The following LRRIQ3 variants were observed in gnomAD, a reference collection of about 807,000 sequenced individuals.
The protein encoded by LRRIQ3 is leucine rich repeats and IQ motif containing 3.
Under a neutral mutation model 59.3 loss-of-function variants are expected in LRRIQ3, and 75 were observed. The observed-to-expected ratio is 1.26, with a 90% CI of 1.05 to 1.53. The LOEUF is 1.53. Ranked by LOEUF, LRRIQ3 falls within the 40% of genes most tolerant of loss-of-function variation. LRRIQ3 has a pLI of 0.00. For missense variants in LRRIQ3, 831 were observed against 710.0 expected (o/e 1.17, Z -1.94); for synonymous variants, 250 against 231.3 (o/e 1.08, Z -0.73).
intron 5 of LRRIQ3, among the ~76,000 whole-genome samples, chr1:74,088,236 G>A (rs1053410717): frequency 1.1e-4 from 16 of 152,072 alleles, no homozygotes; most frequent in African/African-American, 3.6e-4. Context: ...CATTTCGTAA[G>A]TTTTTTCAGA....
chr1:74,083,223 T>A (rs528383426), intron 5 of LRRIQ3: 2 of 151,652 alleles, frequency 1.3e-5, no homozygotes, highest in African/African-American at 4.8e-5. Flanking sequence ...TCAGTACAAA[T>A]CTTAGTCTGT....
rs748774251 is a variant in LRRIQ3 at position 74,186,941 on chromosome 1, T to C, written c.1-3257A>G. 7.6e-4 allele frequency among the ~76,000 whole-genome samples: 116 copies of C among 151,670 alleles called. 1 individual carries two copies. The highest frequency in any genetic ancestry group is 1.6e-4 in the Non-Finnish European group (11 of 67,912). ...ACTTTTTAGCTTTAATCAATGACTA[T>C]TATAAGCAAGAAAAAAAATCACTAA... is the stretch of plus-strand genomic sequence containing the variant. On this transcript the variant is annotated intron_variant, in intron 1 of 7. Coordinates refer to ENST00000354431, the MANE Select transcript of LRRIQ3 (RefSeq NM_001105659.2).
intron 4 of LRRIQ3, among the ~76,000 whole-genome samples, chr1:74,136,922 C>T (rs561799952): frequency 6.6e-6 from 1 of 151,862 alleles, no homozygotes; most frequent in Non-Finnish European, 1.5e-5. Flanking sequence ...CATAACGGTT[C>T]TTTATTTATA....
chr1:74,037,136 G>T (rs1653896398), intron 7 of LRRIQ3, among the ~76,000 whole-genome samples: 1 of 152,096 alleles, frequency 6.6e-6, no homozygotes. Flanking sequence ...CTCAAGAAAT[G>T]TGTGTTGAAT....
At chr1:74,053,978 C>A (rs1654448413) in intron 6 of LRRIQ3, among the ~76,000 whole-genome samples, 1 of 152,076 alleles carries the variant, frequency 6.6e-6, no homozygotes, top group Admixed American at 6.6e-5. Flanking sequence ...TAAAGATATT[C>A]TCACTGTAAA....
rs1648696665 is a variant in LRRIQ3, at chr1:74,162,154, T to G, written c.574-6288A>C. ...TGCAAACAATGTTATCTTTCAACAG[T>G]TTTATAGCAATACTTAAAATGATAT... On this transcript the variant is annotated intron_variant, in intron 3 of 7. Transcript: ENST00000354431. 2.0e-5 allele frequency among the ~76,000 whole-genome samples: 3 copies of G among 151,848 alleles called. No homozygotes were observed. The South Asian group carries it at 6.2e-4, about 31-fold the overall frequency.
At chr1:74,094,551 A>G (rs1427579001) in intron 5 of LRRIQ3, among the ~76,000 whole-genome samples, 1 of 152,098 alleles carries the variant, frequency 6.6e-6, no homozygotes, top group Non-Finnish European at 1.5e-5. Flanking sequence ...AAACACTTTG[A>G]TTTAGTCAAG....
chr1:74,187,017 T>A (rs1027629788), intron 1 of LRRIQ3, among the ~76,000 whole-genome samples: 3 of 151,770 alleles, frequency 2.0e-5, no homozygotes, highest in African/African-American at 7.3e-5. Context: ...ATGGCCATAA[T>A]TAAAAAGTCA....
rs905202860 is a variant in LRRIQ3 at position 74,108,870 on chromosome 1, G to A, written c.867+524C>T. The stretch of plus-strand genomic sequence containing the variant: ...TCTTAGTTTTCATATTGGTCAAAAT[G>A]AGATAAAAAATATCTATCTATGGTG... On this transcript the variant is annotated intron_variant, in intron 5 of 7. Coordinates refer to ENST00000354431, the MANE Select transcript of LRRIQ3 (RefSeq NM_001105659.2). The A allele has an allele frequency of 1.8e-5, 7 of 379,936 alleles. 1 individual carries two copies. The highest frequency in any genetic ancestry group is 3.1e-5 in the Admixed American group (1 of 32,346). The allele number at this position is 379,936 out of a possible 1,614,324, so 23.5% of individuals were successfully genotyped here.
At position 74,080,327 on chromosome 1, in the gene LRRIQ3, A is replaced by T. The variant is rs147008429; in HGVS notation, c.868-5537T>A. Among the ~76,000 whole-genome samples the T allele has an allele frequency of 2.8e-3, 429 of 151,856 alleles. 2 individuals carry two copies. The highest frequency in any genetic ancestry group is 4.0e-3 in the Non-Finnish European group (273 of 67,702). ...AAGAATTTCTCAGAGCATTATTGAA[A>T]ATTGGAATAGATTATCTGAGGAGCT... On this transcript the variant is annotated intron_variant, in intron 5 of 7. Coordinates refer to ENST00000354431, the MANE Select transcript of LRRIQ3 (RefSeq NM_001105659.2).
chr1:74,121,973 C>T (rs559687384), intron 4 of LRRIQ3, among the ~76,000 whole-genome samples: 7 of 152,076 alleles, frequency 4.6e-5, no homozygotes, highest in African/African-American at 1.7e-4. Context: ...TTTCTTAATC[C>T]AGTCTATCAT....
chr1:74,151,907 C>T (rs1266205028), intron 4 of LRRIQ3, among the ~76,000 whole-genome samples: 1 of 151,956 alleles, frequency 6.6e-6, no homozygotes, highest in African/African-American at 2.4e-5. Flanking sequence ...GTTTTAAATA[C>T]TAAAATAAGA....
At chr1:74,042,472 G>T (rs574460020) in intron 6 of LRRIQ3, among the ~76,000 whole-genome samples, 2 of 152,182 alleles carry the variant, frequency 1.3e-5, no homozygotes, top group East Asian at 3.9e-4. Context: ...CCTGTGATTG[G>T]CTGAAGCTTG....
At chr1:74,059,608 AG>A (rs1308523862) in intron 6 of LRRIQ3, among the ~76,000 whole-genome samples, 1 of 152,094 alleles carries the variant, frequency 6.6e-6, no homozygotes, top group Non-Finnish European at 1.5e-5. Context: ...GTAGCTTTGC[AG>A]TAAGTTTCAA....
intron 4 of LRRIQ3, among the ~76,000 whole-genome samples, chr1:74,123,791 C>A (rs576747668): frequency 6.6e-6 from 1 of 151,974 alleles, no homozygotes; most frequent in Non-Finnish European, 1.5e-5. Context: ...ATATCTTCAA[C>A]AGACTGATTG....
In LRRIQ3 at chr1:74,155,735, C is replaced by G; in HGVS notation, c.705G>C (p.Leu235Phe). The G allele has an allele frequency of 1.9e-6, 3 of 1,568,260 alleles. No individual in the cohort carries two copies. Among genetic ancestry groups the G allele is most frequent in the Non-Finnish European group, 2.6e-6 (3 of 1,165,492 alleles). ...WIRGFLVRKN[L>F]SPVFFHKKKQ... Reference sequence around the variant, plus strand: ...ATGGTAAAGAAAACAAAACATACCTCAAATTTTTTCTAACTAAGAAACCAC... The same window carrying G: ...ATGGTAAAGAAAACAAAACATACCTGAAATTTTTTCTAACTAAGAAACCAC... The change falls in exon 4 of 8, where the codon TTG becomes TTC. Residue 235 changes from leucine (L) to phenylalanine (F), a missense_variant and splice_region_variant. Leu to Phe is a conservative substitution (Grantham distance 22, BLOSUM62 0). Transcript: ENST00000354431.
rs1648289895 is a variant in LRRIQ3, at chr1:74,155,829, T to C, written c.611A>G (p.His204Arg). 3 of 1,560,592 alleles carry C rather than the reference T, an allele frequency of 1.9e-6. No homozygotes were observed. The highest frequency in any genetic ancestry group is 2.6e-6 in the Non-Finnish European group (3 of 1,152,192). ...AATTGCATTAATTTTTGAAGTAATA[T>C]GTTTAATATTATTAATTTCCTCTTC... is the stretch of plus-strand genomic sequence containing the variant. ...TYEEEINNIK[H>R]ITSKINAILA... is the part of the protein sequence containing the mutation. The change falls in exon 4 of 8, where the codon CAT becomes CGT. Residue 204 changes from histidine (H) to arginine (R), a missense_variant. Physicochemically the swap from His to Arg is conservative, Grantham distance 29. Coordinates refer to ENST00000354431, the MANE Select transcript of LRRIQ3 (RefSeq NM_001105659.2).
chr1:74,198,076 C>A lies in LRRIQ3; in HGVS notation c.-81G>T. ...CACAGTCAGACAAATCGCTGGGCGG[C>A]CATCTGCTCCTGAGACCGTTGCTAG... is the stretch of plus-strand genomic sequence containing the variant. On this transcript the variant is annotated 5_prime_UTR_variant, in exon 1 of 8. Coordinates refer to ENST00000354431, the MANE Select transcript of LRRIQ3 (RefSeq NM_001105659.2). The A allele has an allele frequency of 9.0e-7, 1 of 1,107,400 alleles. No individual in the cohort carries two copies. Among genetic ancestry groups the A allele is most frequent in the Non-Finnish European group, 1.2e-6 (1 of 807,898 alleles). 68.6% of individuals were successfully genotyped at this position (1,107,400 alleles called of 1,614,324 possible). A position where few individuals can be genotyped will look rare whatever the true frequency, so the allele number is the denominator to read the frequency against.
intron 4 of LRRIQ3, among the ~76,000 whole-genome samples, chr1:74,129,515 C>A (rs187975162): frequency 6.6e-6 from 1 of 152,028 alleles, no homozygotes; most frequent in East Asian, 1.9e-4. Flanking sequence ...GAGGGTACAG[C>A]AATGCCATCT....
Sources: allele counts gnomAD v4.1 joint callset (sites outside exome capture counted in the v4.1 genomes callset), GRCh38; gene constraint gnomAD v4.1.1; transcripts MANE v1.5; gene names NCBI Gene and HGNC (gene_info 2026-07-23, HGNC 2026-07-21).